Variants in OSBPL10 observed in about 807,000 individuals in gnomAD.
The protein encoded by OSBPL10 is oxysterol binding protein like 10, also known as oxysterol-binding protein-related protein 10.
A neutral mutation model predicts 81.7 loss-of-function variants in OSBPL10; 49 were observed. That is an observed-to-expected ratio of 0.60 (90% CI 0.48 to 0.76). The LOEUF is 0.76. OSBPL10 is among the 30% of genes least tolerant of loss of function. The pLI is 0.00. For missense variants in OSBPL10, 923 were observed against 987.8 expected, an observed-to-expected ratio of 0.93 and a Z score of 0.88; for synonymous variants, 419 against 383.6, an observed-to-expected ratio of 1.09 and a Z score of -1.08.
At chr3:31,770,449 G>T (rs1698348151) in intron 4 of OSBPL10, among the ~76,000 whole-genome samples, 1 of 152,190 alleles carries the variant, frequency 6.6e-6, no homozygotes, top group Admixed American at 6.5e-5. Context: ...GGAGTCCATT[G>T]TCTGACACTT....
At position 32,043,012 on chromosome 3, in the gene OSBPL10, G is replaced by A. The variant is rs377153338; in HGVS notation, n.298+3479C>T. 2.6e-3 allele frequency among the ~76,000 whole-genome samples: 396 copies of A among 152,250 alleles called. 3 individuals carry two copies. Among genetic ancestry groups the A allele is most frequent in the African/African-American group, 9.1e-3 (376 of 41,544 alleles). ...AAACAACAGAAAACAGGGTTCGAGA[G>A]CAGAGAACTGGTCTGACCTCAAATT... On this transcript the variant is annotated intron_variant and non_coding_transcript_variant, in intron 2 of 3. Transcript: ENST00000479173.
intron 7 of OSBPL10, among the ~76,000 whole-genome samples, chr3:31,697,033 T>C (rs1695741408): frequency 6.6e-6 from 1 of 152,210 alleles, no homozygotes; most frequent in African/African-American, 2.4e-5. Context: ...CCACACCTCC[T>C]GGAATTTACA....
chr3:31,921,450 C>T (rs552664934), intron 1 of OSBPL10, among the ~76,000 whole-genome samples: 1 of 152,240 alleles, frequency 6.6e-6, no homozygotes, highest in East Asian at 1.9e-4. Context: ...AGTGCTCAAA[C>T]CCACAATGAT....
intron 2 of OSBPL10, among the ~76,000 whole-genome samples, chr3:32,031,112 C>A (rs918189954): frequency 2.0e-5 from 3 of 151,544 alleles, no homozygotes; most frequent in African/African-American, 4.9e-5. Context: ...TTGGAGTGAG[C>A]TGAGTCGTGA....
chr3:31,718,073 AT>A (rs1416528876), intron 6 of OSBPL10: 1 of 152,030 alleles, frequency 6.6e-6, no homozygotes, highest in Non-Finnish European at 1.5e-5. Flanking sequence ...AATACTAAAT[AT>A]TCTAGTTTTT....
At chr3:31,744,528 A>C in intron 5 of OSBPL10, among the ~76,000 whole-genome samples, 1 of 142,338 alleles carries the variant, frequency 7.0e-6, no homozygotes. Context: ...ATAGAGCGAG[A>C]CTCCGTCTCA....
intron 4 of OSBPL10, among the ~76,000 whole-genome samples, chr3:31,755,741 T>C (rs994458768): frequency 2.6e-5 from 4 of 152,220 alleles, no homozygotes; most frequent in South Asian, 2.1e-4. Flanking sequence ...GGTCCTTCCA[T>C]GGTTTGAGTT....
intron 3 of OSBPL10, among the ~76,000 whole-genome samples, chr3:31,832,616 T>C (rs575845045): frequency 3.4e-4 from 52 of 152,294 alleles, no homozygotes; most frequent in Non-Finnish European, 3.5e-4. Flanking sequence ...GATGCACATA[T>C]ACAGAGACAG....
chr3:31,898,006 C>CAAAAAAAAAAAA (rs58479197), intron 1 of OSBPL10, among the ~76,000 whole-genome samples: 6 of 62,476 alleles, frequency 9.6e-5, no homozygotes, highest in East Asian at 5.6e-4. Context: ...AGAACTCTGT[C>CAAAAAAAAAAAA]AAAAAAAAAA....
intron 7 of OSBPL10, among the ~76,000 whole-genome samples, chr3:31,695,992 T>G (rs1009873949): frequency 6.6e-6 from 1 of 152,126 alleles, no homozygotes; most frequent in African/African-American, 2.4e-5. Flanking sequence ...AAGGTACAAT[T>G]ATCAACCTCC....
chr3:31,985,238 C>CA (rs1402902842), upstream of OSBPL10, among the ~76,000 whole-genome samples: 1 of 152,062 alleles, frequency 6.6e-6, no homozygotes, highest in African/African-American at 2.4e-5. Context: ...GACTCCATCT[C>CA]AAAAAATGTT....
intron 5 of OSBPL10, among the ~76,000 whole-genome samples, chr3:31,738,377 A>G (rs1575511547): frequency 1.4e-5 from 2 of 146,260 alleles, no homozygotes; most frequent in South Asian, 2.1e-4. Flanking sequence ...GAAAAATTAG[A>G]CCTGCCTTAA....
intron 2 of OSBPL10, among the ~76,000 whole-genome samples, chr3:31,987,115 T>C (rs1054592844): frequency 6.6e-6 from 1 of 151,162 alleles, no homozygotes; most frequent in Non-Finnish European, 1.5e-5. Flanking sequence ...TGTATGTGTA[T>C]ACACACACAC....
At chr3:31,916,500 A>T (rs540123650) in intron 1 of OSBPL10, among the ~76,000 whole-genome samples, 2 of 152,132 alleles carry the variant, frequency 1.3e-5, no homozygotes, top group Admixed American at 6.5e-5. Flanking sequence ...CAGAAGTAAA[A>T]TATCTGACAC....
chr3:31,956,539 C>T (rs775766650), intron 1 of OSBPL10, among the ~76,000 whole-genome samples: 8 of 151,642 alleles, frequency 5.3e-5, no homozygotes, highest in Non-Finnish European at 7.4e-5. Flanking sequence ...GCCAACATGG[C>T]GAAACCCTGT....
At chr3:31,695,363 C>T (rs1357044195) in intron 7 of OSBPL10, among the ~76,000 whole-genome samples, 1 of 152,214 alleles carries the variant, frequency 6.6e-6, no homozygotes, top group Non-Finnish European at 1.5e-5. Context: ...AAGCATCCCT[C>T]TCTCTGCTAT....
chr3:31,916,726 C>T (rs1364558936), intron 1 of OSBPL10, among the ~76,000 whole-genome samples: 1 of 152,154 alleles, frequency 6.6e-6, no homozygotes, highest in Non-Finnish European at 1.5e-5. Context: ...CTCTAAATCC[C>T]TGATTAATTA....
chr3:31,774,176 A>AAAAAAG (rs1553624176), intron 4 of OSBPL10, among the ~76,000 whole-genome samples: 59 of 139,626 alleles, frequency 4.2e-4, no homozygotes, highest in African/African-American at 1.6e-3. Flanking sequence ...AAAAAAAAAA[A>AAAAAAG]AAAGAAAGAC....
At chr3:31,831,236 A>G (rs1304755204) in intron 3 of OSBPL10, among the ~76,000 whole-genome samples, 2 of 152,012 alleles carry the variant, frequency 1.3e-5, no homozygotes, top group Admixed American at 6.6e-5. Flanking sequence ...GAGAAACCCC[A>G]TCTCTACTAA....
Sources: allele counts gnomAD v4.1 joint callset (sites outside exome capture counted in the v4.1 genomes callset), GRCh38; gene constraint gnomAD v4.1.1; transcripts MANE v1.5; gene names NCBI Gene and HGNC (gene_info 2026-07-23, HGNC 2026-07-21).